MSRA: variants seen among roughly 807,000 people sequenced by gnomAD.
MSRA encodes methionine sulfoxide reductase A, also known as mitochondrial peptide methionine sulfoxide reductase.
A neutral mutation model predicts 31.3 loss-of-function variants in MSRA; 54 were observed. The observed-to-expected ratio is 1.73, with a 90% CI of 1.39 to 2.17. The LOEUF (loss-of-function observed/expected upper bound fraction) is 2.17. Ranked by LOEUF, MSRA falls within the 30% of genes most tolerant of loss-of-function variation. The probability of loss-of-function intolerance (pLI) is 0.00; values close to 1 mark genes in which losing one functional copy is unlikely to be tolerated. For synonymous variants in MSRA, 169 were observed against 116.5 expected (o/e 1.45, Z -2.90); for missense variants, 507 against 300.9 (o/e 1.69, Z -5.07).
chr8:10,378,818 C>T (rs1327445173), intron 5 of MSRA, among the ~76,000 whole-genome samples: 1 of 152,234 alleles, frequency 6.6e-6, no homozygotes, highest in Non-Finnish European at 1.5e-5. Flanking sequence ...TGTTCTGAGG[C>T]ACACTAAGAT....
chr8:10,059,559 G>T (rs917512162), intron 1 of MSRA, among the ~76,000 whole-genome samples: 11 of 152,094 alleles, frequency 7.2e-5, no homozygotes, highest in African/African-American at 2.7e-4. Context: ...CTGGGTGTGA[G>T]GAAAGCCATG....
intron 2 of MSRA, 150 bp downstream of exon 2, chr8:10,208,051 A>C: frequency 1.7e-6 from 1 of 587,176 alleles, no homozygotes; most frequent in Non-Finnish European, 2.9e-6. Flanking sequence ...TTGAGTTCCT[A>C]GTAATTTCTG....
intron 1 of MSRA, among the ~76,000 whole-genome samples, chr8:10,190,228 C>A (rs1490972418): frequency 2.0e-5 from 3 of 152,098 alleles, no homozygotes; most frequent in Non-Finnish European, 2.9e-5. Context: ...GTTGAGCCTG[C>A]CCCAGTCATG....
intron 5 of MSRA, among the ~76,000 whole-genome samples, chr8:10,373,858 A>T (rs61417273): frequency 7.2e-4 from 109 of 152,244 alleles, no homozygotes; most frequent in African/African-American, 2.6e-3. Context: ...CAGGTGCAGG[A>T]GGTGAGAAGT....
rs190095924 is a variant in MSRA at position 10,337,532 on chromosome 8, C to T, written c.543+17543C>T. On this transcript the variant is annotated intron_variant, in intron 5 of 5. Transcript: ENST00000317173. ...AAAAAGACTGTGTGCTACTAGGCTA[C>T]AGAAAGCAGCATTAAGTCTGATATA... 2.7e-4 allele frequency: 161 copies of T among 590,222 alleles called. No homozygotes were observed. The East Asian group carries it at 4.3e-3, about 16-fold the overall frequency. The allele number at this position is 590,222 out of a possible 1,614,324, so 36.6% of individuals were successfully genotyped here.
intron 1 of MSRA, among the ~76,000 whole-genome samples, chr8:10,075,015 A>G (rs1179081803): frequency 1.3e-5 from 2 of 152,028 alleles, no homozygotes; most frequent in East Asian, 1.9e-4. Context: ...CTGCCAACCC[A>G]TTTGACCCTC....
At chr8:10,389,528 T>C (rs1698811510) in intron 5 of MSRA, among the ~76,000 whole-genome samples, 1 of 152,348 alleles carries the variant, frequency 6.6e-6, no homozygotes, top group African/African-American at 2.4e-5. Context: ...AATTATTCTT[T>C]TAACAAAAAA....
chr8:10,376,591 A>G (rs912226171), intron 5 of MSRA, among the ~76,000 whole-genome samples: 1 of 152,204 alleles, frequency 6.6e-6, no homozygotes, highest in African/African-American at 2.4e-5. Context: ...CTCTTAGAAT[A>G]CTACCTGACA....
intron 1 of MSRA, among the ~76,000 whole-genome samples, chr8:10,130,936 G>A (rs1477018637): frequency 6.6e-6 from 1 of 152,174 alleles, no homozygotes; most frequent in African/African-American, 2.4e-5. Context: ...CTTTCTTATA[G>A]GGCCTTTAAG....
chr8:10,408,879 T>C (rs960399890), intron 5 of MSRA, among the ~76,000 whole-genome samples: 8 of 152,188 alleles, frequency 5.3e-5, no homozygotes, highest in Admixed American at 4.6e-4. Context: ...CTCTCCACAT[T>C]GCTGCAAAAG....
chr8:10,136,269 G>A (rs200794477), intron 1 of MSRA, among the ~76,000 whole-genome samples: 9 of 152,194 alleles, frequency 5.9e-5, no homozygotes, highest in East Asian at 1.9e-4. Flanking sequence ...AGAGGAGGGC[G>A]TCCTTATCTA....
chr8:10,085,912 C>T (rs1226618187), intron 1 of MSRA, among the ~76,000 whole-genome samples: 1 of 152,218 alleles, frequency 6.6e-6, no homozygotes. Context: ...TGTTGTTGCA[C>T]TTACTAGTAA....
intron 1 of MSRA, among the ~76,000 whole-genome samples, chr8:10,115,880 A>G (rs553228509): frequency 1.3e-5 from 2 of 152,358 alleles, no homozygotes; most frequent in Non-Finnish European, 2.9e-5. Flanking sequence ...CAAAAATGTA[A>G]ACACTATCCA....
intron 1 of MSRA, among the ~76,000 whole-genome samples, chr8:10,109,301 A>T (rs1219874581): frequency 1.3e-5 from 2 of 152,086 alleles, no homozygotes; most frequent in Admixed American, 1.3e-4. Flanking sequence ...TAAGATGCTA[A>T]AGAGCACAAA....
chr8:10,118,288 C>T (rs1800830319), intron 1 of MSRA, among the ~76,000 whole-genome samples: 1 of 152,026 alleles, frequency 6.6e-6, no homozygotes, highest in Non-Finnish European at 1.5e-5. Flanking sequence ...TCATTTATTC[C>T]ACAAACATAG....
At chr8:10,357,490 A>C (rs750455345) in intron 5 of MSRA, among the ~76,000 whole-genome samples, 2 of 152,144 alleles carry the variant, frequency 1.3e-5, no homozygotes, top group Admixed American at 6.5e-5. Context: ...TGCAATTACT[A>C]TCTTTATTGA....
intron 1 of MSRA, among the ~76,000 whole-genome samples, chr8:10,203,520 A>G (rs1808679797): frequency 6.6e-6 from 1 of 152,236 alleles, no homozygotes; most frequent in African/African-American, 2.4e-5. Flanking sequence ...GTGACATTGT[A>G]ACCATGGTGA....
chr8:10,290,299 C>T (rs1200524528), intron 3 of MSRA, among the ~76,000 whole-genome samples: 1 of 152,088 alleles, frequency 6.6e-6, no homozygotes, highest in Non-Finnish European at 1.5e-5. Context: ...TAGGACATCC[C>T]AATAGTGGCA....
chr8:10,342,869 A>G (rs1803519224), intron 5 of MSRA, among the ~76,000 whole-genome samples: 1 of 152,216 alleles, frequency 6.6e-6, no homozygotes. Context: ...CAGCTCTGCC[A>G]CTGTGTGACT....
Sources: gnomAD v4.1 joint callset for allele counts (sites outside exome capture counted in the v4.1 genomes callset) on GRCh38, gnomAD v4.1.1 for gene constraint, MANE v1.5 for transcripts, NCBI Gene and HGNC (gene_info 2026-07-23, HGNC 2026-07-21) for gene names.